ADAMTS10: variants seen among roughly 807,000 people sequenced by gnomAD.
The protein encoded by ADAMTS10 is ADAM metallopeptidase with thrombospondin type 1 motif 10.
In ADAMTS10, 48 loss-of-function variants were observed where a neutral mutation model predicts 135.9. That is an observed-to-expected ratio of 0.35 (90% CI 0.28 to 0.45). The LOEUF (loss-of-function observed/expected upper bound fraction) is 0.45, where lower values mean the gene tolerates loss of function less well. Ranked by LOEUF, ADAMTS10 falls within the 20% of genes least tolerant of loss-of-function variation. The pLI, the probability that ADAMTS10 is intolerant of heterozygous loss-of-function variation, is 1.00. For missense variants in ADAMTS10, 1,131 were observed against 1,565.2 expected (o/e 0.72, Z 4.68); for synonymous variants, 621 against 647.5 (o/e 0.96, Z 0.62).
intron 1 of ADAMTS10, among the ~76,000 whole-genome samples, chr19:8,610,053 A>AACAC (rs1267177320): frequency 1.3e-5 from 2 of 151,632 alleles, no homozygotes; most frequent in Non-Finnish European, 2.9e-5. Flanking sequence ...CACAAACAGA[A>AACAC]ACACACACAT....
At chr19:8,589,684 C>G in intron 16 of ADAMTS10, 99 bp from the exon 17 acceptor site, 1 of 1,571,256 alleles carries the variant, frequency 6.4e-7, no homozygotes, top group Non-Finnish European at 8.6e-7. Context: ...ACCCCAGACC[C>G]AAGAGGAAGG....
At chr19:8,599,937 C>G (rs1025987228) in intron 6 of ADAMTS10, among the ~76,000 whole-genome samples, 4 of 151,518 alleles carry the variant, frequency 2.6e-5, no homozygotes, top group Admixed American at 6.6e-5. Context: ...CTGGTTCAAG[C>G]GATTCTCCTG....
chr19:8,602,670 C>T (rs782696903), intron 5 of ADAMTS10, among the ~76,000 whole-genome samples: 10 of 151,902 alleles, frequency 6.6e-5, no homozygotes, highest in Non-Finnish European at 1.0e-4. Flanking sequence ...CTGTTGCCCA[C>T]GCTGGAGTGC....
Position 8,586,832 on chromosome 19 carries a change from G to C in ADAMTS10, c.2223C>G (p.Leu741=). ...TCTGCTCACCCAAGTGACTGAGAGA[G>C]AGGTTCAGATCCTGGATGAAGATGT... is the stretch of plus-strand genomic sequence containing the variant. ...SVHIFIQDLN[L]SLSHLALKGD... is the part of the protein sequence containing the mutation. The change falls in exon 19 of 26, where the codon CTC becomes CTG. Residue 741 remains leucine, a synonymous_variant. Transcript: ENST00000597188. 1 of 1,614,160 alleles carries C rather than the reference G, an allele frequency of 6.2e-7. No individual in the cohort carries two copies. Among genetic ancestry groups the C allele is most frequent in the African/African-American group, 1.3e-5 (1 of 75,038 alleles).
chr19:8,602,140 T>G (rs1263404640), intron 5 of ADAMTS10, among the ~76,000 whole-genome samples: 1 of 152,240 alleles, frequency 6.6e-6, no homozygotes, highest in African/African-American at 2.4e-5. Context: ...TCATACTGCC[T>G]GATGTACTAC....
chr19:8,609,995 C>G (rs947191302), intron 1 of ADAMTS10, among the ~76,000 whole-genome samples: 1 of 151,892 alleles, frequency 6.6e-6, no homozygotes, highest in Admixed American at 6.6e-5. Context: ...ACACACGGGA[C>G]AAGACAGAGA....
At chr19:8,582,126 G>GA (rs1227439927) in intron 25 of ADAMTS10, among the ~76,000 whole-genome samples, 2 of 152,006 alleles carry the variant, frequency 1.3e-5, no homozygotes, top group African/African-American at 4.8e-5. Flanking sequence ...TAGCACCCAG[G>GA]AAAAAATGTC....
chr19:8,599,320 A>T (rs2042638118), intron 6 of ADAMTS10, among the ~76,000 whole-genome samples: 1 of 126,792 alleles, frequency 7.9e-6, no homozygotes, highest in African/African-American at 2.5e-5. Context: ...CCTGTGAGCT[A>T]CCTATCTATC....
In ADAMTS10 at chr19:8,608,223, G is replaced by C. The variant is rs1244097246; in HGVS notation, c.-189C>G. 1 of 152,686 alleles carries C rather than the reference G, an allele frequency of 6.5e-6. No homozygotes were observed. Among genetic ancestry groups the C allele is most frequent in the Non-Finnish European group, 1.5e-5 (1 of 68,602 alleles). 9.5% of individuals were successfully genotyped at this position (152,686 alleles called of 1,614,324 possible). ...CCCTGCACCTGGGCCTCCCTCTCTG[G>C]GCCTTGGTTTCTTCTTCTTTGGAGC... is the stretch of plus-strand genomic sequence containing the variant. On this transcript the variant is annotated 5_prime_UTR_variant, in exon 2 of 26. Transcript: ENST00000597188.
intron 1 of ADAMTS10, among the ~76,000 whole-genome samples, chr19:8,609,010 G>A (rs1384036208): frequency 6.6e-6 from 1 of 151,518 alleles, no homozygotes; most frequent in Non-Finnish European, 1.5e-5. Context: ...CCAGGTGGTG[G>A]GGGGACATGA....
chr19:8,603,997 A>G, intron 4 of ADAMTS10, 113 bp from the exon 5 acceptor site: 1 of 1,036,378 alleles, frequency 9.6e-7, no homozygotes, highest in South Asian at 2.4e-5. Flanking sequence ...TTATTTTGCT[A>G]TTTCTTTTTT....
intron 15 of ADAMTS10, 125 bp from the exon 16 acceptor site, chr19:8,590,116 G>A (rs781783799): frequency 2.0e-5 from 14 of 717,568 alleles, no homozygotes; most frequent in Non-Finnish European, 3.5e-5. Flanking sequence ...GGAGGAGGCT[G>A]TGGTGGTCTG....
rs541024021 is a variant in ADAMTS10 at position 8,588,509 on chromosome 19, G to C, written c.2158+733C>G. Reference sequence around the variant, plus strand: ...CTGGACACACTCCCTCCCTCTGACAGTGCCTACGGCTTCCTCAGCCTTCCA... The same window carrying C: ...CTGGACACACTCCCTCCCTCTGACACTGCCTACGGCTTCCTCAGCCTTCCA... On this transcript the variant is annotated intron_variant, in intron 18 of 25. Coordinates refer to ENST00000597188, the MANE Select transcript of ADAMTS10 (RefSeq NM_030957.4). 2.7e-4 allele frequency among the ~76,000 whole-genome samples: 41 copies of C among 152,204 alleles called. No individual in the cohort carries two copies. In the South Asian group the frequency reaches 8.5e-3, roughly 32 times the overall value.
chr19:8,600,495 CTTTTCTT>C, intron 6 of ADAMTS10, among the ~76,000 whole-genome samples: 1 of 137,400 alleles, frequency 7.3e-6, no homozygotes, highest in Non-Finnish European at 1.5e-5. Flanking sequence ...TCTTTTCTTT[CTTTTCTT>C]TTTTTTTTTT....
chr19:8,594,529 C>T (rs1238289229), intron 12 of ADAMTS10, among the ~76,000 whole-genome samples: 27 of 152,276 alleles, frequency 1.8e-4, no homozygotes, highest in Non-Finnish European at 2.9e-5. Flanking sequence ...AGTGCCAGCC[C>T]AAGCTTGATA....
chr19:8,595,535 G>A, intron 12 of ADAMTS10: 2 of 622,806 alleles, frequency 3.2e-6, no homozygotes, highest in Non-Finnish European at 5.6e-6. Context: ...GGGGTCTGGA[G>A]AAGCAGGTGA....
At chr19:8,595,993 C>T (rs1197011120) in intron 11 of ADAMTS10, 80 bp downstream of exon 11, 1 of 1,613,862 alleles carries the variant, frequency 6.2e-7, no homozygotes, top group African/African-American at 1.3e-5. Context: ...AGGGAGCATC[C>T]CTGATTTCTA....
intron 1 of ADAMTS10, among the ~76,000 whole-genome samples, chr19:8,609,572 G>A (rs1347678158): frequency 6.6e-6 from 1 of 152,102 alleles, no homozygotes; most frequent in African/African-American, 2.4e-5. Context: ...GGCCGGGCCG[G>A]CAGGAGGCAG....
At chr19:8,586,087 C>T in intron 22 of ADAMTS10, 35 bp downstream of exon 22, 1 of 1,611,908 alleles carries the variant, frequency 6.2e-7, no homozygotes, top group Non-Finnish European at 8.5e-7. Flanking sequence ...ACTCTCCTCT[C>T]ACCCTGAGCA....
Sources: allele counts gnomAD v4.1 joint callset (sites outside exome capture counted in the v4.1 genomes callset), GRCh38; gene constraint gnomAD v4.1.1; transcripts MANE v1.5; gene names NCBI Gene and HGNC (gene_info 2026-07-23, HGNC 2026-07-21).